NCAM1: variants seen among roughly 807,000 people sequenced by gnomAD.
NCAM1 encodes the protein antigen recognized by monoclonal antibody 5.1H11.
NCAM1 carries 14 observed loss-of-function variants against 109.8 expected under a neutral mutation model. The observed-to-expected ratio is 0.13, with a 90% CI of 0.08 to 0.20. The LOEUF is 0.20. Ranked by LOEUF, NCAM1 falls within the 10% of genes least tolerant of loss-of-function variation. The pLI is 1.00. For synonymous variants in NCAM1, 418 were observed against 442.9 expected, an observed-to-expected ratio of 0.94 and a Z score of 0.70; for missense variants, 774 against 1,109.9, an observed-to-expected ratio of 0.70 and a Z score of 4.30.
chr11:113,202,523 C>A, intron 2 of NCAM1, 70 bp downstream of exon 2: 1 of 1,399,920 alleles, frequency 7.1e-7, no homozygotes, highest in Non-Finnish European at 9.8e-7. Flanking sequence ...CAGGAGCCCT[C>A]AGGCCATGTG....
At chr11:113,024,121 G>A (rs895483438) in intron 1 of NCAM1, among the ~76,000 whole-genome samples, 8 of 152,186 alleles carry the variant, frequency 5.3e-5, no homozygotes, top group Non-Finnish European at 1.0e-4. Context: ...TCAGAGCACT[G>A]CTTATGCTTG....
rs555363800 is a variant in NCAM1, at chr11:113,151,816, G to A, written c.53-50563G>A. 2.3e-4 allele frequency among the ~76,000 whole-genome samples: 35 copies of A among 152,340 alleles called. No individual in the cohort carries two copies. In the South Asian group the frequency reaches 5.4e-3, roughly 23 times the overall value. On this transcript the variant is annotated intron_variant, in intron 1 of 19. Transcript: ENST00000316851. ...TTATAGTGGTCTGTTCTTATCCCCA[G>A]TGTAGCAAGTTCTAAATCCCATCAG...
At chr11:113,045,584 C>T (rs1313833454) in intron 1 of NCAM1, among the ~76,000 whole-genome samples, 2 of 152,304 alleles carry the variant, frequency 1.3e-5, no homozygotes, top group Non-Finnish European at 2.9e-5. Context: ...ACACAGAACA[C>T]ACTGGAGCAT....
chr11:113,246,995 AAATC>A (rs1409718314), intron 15 of NCAM1, among the ~76,000 whole-genome samples: 17 of 152,208 alleles, frequency 1.1e-4, no homozygotes, highest in African/African-American at 4.1e-4. Flanking sequence ...GAGGGGGAGA[AAATC>A]AAAGCAAAAG....
chr11:113,069,609 T>C (rs1938163346), intron 1 of NCAM1, among the ~76,000 whole-genome samples: 1 of 152,050 alleles, frequency 6.6e-6, no homozygotes, highest in Non-Finnish European at 1.5e-5. Flanking sequence ...TGCATTTGTG[T>C]TTAGGAAAAA....
intron 1 of NCAM1, among the ~76,000 whole-genome samples, chr11:113,166,021 C>T (rs1433030936): frequency 2.0e-5 from 3 of 151,484 alleles, no homozygotes; most frequent in Non-Finnish European, 2.9e-5. Flanking sequence ...TTAGTAGAGA[C>T]GGGGTTTCAC....
At chr11:113,091,748 C>CT (rs2135770161) in intron 1 of NCAM1, among the ~76,000 whole-genome samples, 1 of 152,300 alleles carries the variant, frequency 6.6e-6, no homozygotes, top group East Asian at 1.9e-4. Flanking sequence ...TATAGCCCCA[C>CT]TTCATGGATA....
intron 1 of NCAM1, among the ~76,000 whole-genome samples, chr11:113,066,915 A>G (rs1421373730): frequency 1.3e-5 from 2 of 150,418 alleles, no homozygotes; most frequent in African/African-American, 4.9e-5. Flanking sequence ...GAGGCAGGAG[A>G]ATGGTGTGAA....
At chr11:113,003,691 C>G (rs1303507851) in intron 1 of NCAM1, among the ~76,000 whole-genome samples, 1 of 152,188 alleles carries the variant, frequency 6.6e-6, no homozygotes, top group African/African-American at 2.4e-5. Flanking sequence ...TACAGATTTG[C>G]TATAGAAGAG....
rs373670780 is a variant in NCAM1 at position 113,119,916 on chromosome 11, C to T, written c.53-82463C>T. The stretch of plus-strand genomic sequence containing the variant: ...ACCAGGGCTAGTTTATTATTATTCT[C>T]AATTCATGATGACAAAATACTTATT... On this transcript the variant is annotated intron_variant, in intron 1 of 19. Coordinates refer to ENST00000316851, the MANE Select transcript of NCAM1 (RefSeq NM_181351.5). 1.2e-4 allele frequency among the ~76,000 whole-genome samples: 19 copies of T among 152,302 alleles called. No individual in the cohort carries two copies. The East Asian group carries it at 3.3e-3, about 26-fold the overall frequency.
intron 7 of NCAM1, among the ~76,000 whole-genome samples, chr11:113,210,504 T>C (rs2136977287): frequency 6.6e-6 from 1 of 152,232 alleles, no homozygotes; most frequent in South Asian, 2.1e-4. Context: ...CTAGAATCAG[T>C]GCACTCTGCC....
chr11:112,998,626 A>T (rs1190858026), intron 1 of NCAM1, among the ~76,000 whole-genome samples: 1 of 152,072 alleles, frequency 6.6e-6, no homozygotes, highest in Non-Finnish European at 1.5e-5. Flanking sequence ...TAAAATACAA[A>T]CATTTACTAC....
Position 112,985,086 on chromosome 11 carries a change from CATTCTTTTGCCTGTGGATATTT to C in NCAM1, c.52+23426_52+23447del, listed in dbSNP as rs561587681. Among the ~76,000 whole-genome samples the C allele has an allele frequency of 2.4e-4, 36 of 151,900 alleles. No homozygotes were observed. The East Asian group carries it at 5.0e-3, about 21-fold the overall frequency. On this transcript the variant is annotated intron_variant, in intron 1 of 19. Transcript: ENST00000316851. Reference sequence around the variant, plus strand: ...ATGGTGTAAGATAAGTATCCAATTTCATTCTTTTGCCTGTGGATATTTATTGAAGAGACTGTCTTTTCCCTAT... The same window carrying C: ...ATGGTGTAAGATAAGTATCCAATTTCATTGAAGAGACTGTCTTTTCCCTAT...
At chr11:113,124,189 G>A (rs1000631796) in intron 1 of NCAM1, among the ~76,000 whole-genome samples, 4 of 152,226 alleles carry the variant, frequency 2.6e-5, no homozygotes, top group African/African-American at 9.7e-5. Context: ...AATTCCACCT[G>A]CTGTCTTCTT....
chr11:113,245,998 T>C (rs1288771248), intron 14 of NCAM1: 1 of 250,122 alleles, frequency 4.0e-6, no homozygotes, highest in Non-Finnish European at 7.6e-6. Flanking sequence ...ACCTCCCCAT[T>C]TCAAAACAAG....
intron 1 of NCAM1, among the ~76,000 whole-genome samples, chr11:113,175,021 C>G (rs1555106796): frequency 6.6e-6 from 1 of 152,200 alleles, no homozygotes; most frequent in Non-Finnish European, 1.5e-5. Context: ...GGAACTCCTA[C>G]AAAATAAGAC....
In NCAM1 at chr11:113,010,616, T is replaced by C. The variant is rs961695643; in HGVS notation, c.52+48952T>C. 3.3e-5 allele frequency among the ~76,000 whole-genome samples: 5 copies of C among 152,344 alleles called. No individual in the cohort carries two copies. In the East Asian group the frequency reaches 9.6e-4, roughly 29 times the overall value. ...TACTGATTGATAATTACTGACTTTTTTGAGATTGAAAGACCTGCTCTCTAT... is the reference window on the plus strand; with the variant it reads ...TACTGATTGATAATTACTGACTTTTCTGAGATTGAAAGACCTGCTCTCTAT... On this transcript the variant is annotated intron_variant, in intron 1 of 19. Transcript: ENST00000316851.
intron 1 of NCAM1, among the ~76,000 whole-genome samples, chr11:113,087,168 C>CT (rs1555088447): frequency 6.6e-6 from 1 of 152,158 alleles, no homozygotes; most frequent in Non-Finnish European, 1.5e-5. Flanking sequence ...AACAGATAAA[C>CT]TAAATGTATA....
intron 1 of NCAM1, among the ~76,000 whole-genome samples, chr11:112,983,353 G>A (rs17114646): frequency 0.099 from 15,058 of 151,718 alleles, 969 homozygotes; most frequent in Non-Finnish European, 0.14. Flanking sequence ...CAGGAGAATT[G>A]TAAATAAATC....
Sources: gnomAD v4.1 joint callset for allele counts (sites outside exome capture counted in the v4.1 genomes callset) on GRCh38, gnomAD v4.1.1 for gene constraint, MANE v1.5 for transcripts, NCBI Gene and HGNC (gene_info 2026-07-23, HGNC 2026-07-21) for gene names.